The following SETBP1 variants were observed in gnomAD, a reference collection of about 807,000 sequenced individuals.
SETBP1 encodes the protein SET-binding protein.
In SETBP1, 9 loss-of-function variants were observed where a neutral mutation model predicts 101.0. The observed-to-expected ratio is 0.09, with a 90% CI of 0.05 to 0.16. SETBP1 has a LOEUF of 0.16. SETBP1 is among the 10% of genes least tolerant of loss of function. The pLI is 1.00. For missense variants in SETBP1, 1,858 were observed against 2,033.8 expected (o/e 0.91, Z 1.66); for synonymous variants, 818 against 788.5 (o/e 1.04, Z -0.63).
chr18:44,954,082 T>C (rs1269067022), intron 4 of SETBP1, among the ~76,000 whole-genome samples: 2 of 152,148 alleles, frequency 1.3e-5, no homozygotes, highest in Admixed American at 1.3e-4. Context: ...GGGATTTTGC[T>C]CACTAATTTA....
chr18:44,856,678 T>C (rs1001054491), intron 2 of SETBP1, among the ~76,000 whole-genome samples: 1 of 152,228 alleles, frequency 6.6e-6, no homozygotes, highest in African/African-American at 2.4e-5. Context: ...GCAGCCCTAT[T>C]GCAAAACTCT....
intron 2 of SETBP1, among the ~76,000 whole-genome samples, chr18:44,837,905 TCTC>T (rs1306984415): frequency 5.3e-5 from 8 of 152,014 alleles, no homozygotes; most frequent in African/African-American, 1.9e-4. Flanking sequence ...TGCAAACACA[TCTC>T]CTCTAGTCAC....
intron 2 of SETBP1, among the ~76,000 whole-genome samples, chr18:44,824,606 G>A (rs1344187514): frequency 6.6e-6 from 1 of 152,142 alleles, no homozygotes; most frequent in Non-Finnish European, 1.5e-5. Context: ...TGCCAGAGGT[G>A]TGTATCTTTC....
chr18:44,952,028 C>G lies in SETBP1; in HGVS notation c.2688C>G (p.Phe896Leu). 6.2e-7 allele frequency: 1 copy of G among 1,614,112 alleles called. No homozygotes were observed. Among genetic ancestry groups the G allele is most frequent in the Non-Finnish European group, 8.5e-7 (1 of 1,180,004 alleles). ...CCCGAAGGAGGTACTCTTTTGATTTCTGCTCCCTGGACAACCCGGAGGCCA... is the reference window on the plus strand; with the variant it reads ...CCCGAAGGAGGTACTCTTTTGATTTGTGCTCCCTGGACAACCCGGAGGCCA... ...SESRRRYSFD[F>L]CSLDNPEAIP... Residue 896 changes from phenylalanine to leucine, a missense_variant, in exon 4 of 6, where the codon TTC (phenylalanine) becomes TTG (leucine). Around this residue, in one of 12 missense-constraint regions of SETBP1, gnomAD observed 255 missense variants for 300.1 expected, o/e 0.85. Coordinates refer to ENST00000649279, the MANE Select transcript of SETBP1 (RefSeq NM_015559.3).
intron 2 of SETBP1, among the ~76,000 whole-genome samples, chr18:44,811,325 G>A (rs997037397): frequency 3.3e-5 from 5 of 152,304 alleles, no homozygotes; most frequent in East Asian, 1.9e-4. Flanking sequence ...ACATACACAC[G>A]TGCTCACACA....
chr18:45,052,823 C>T (rs1050554088), intron 5 of SETBP1, among the ~76,000 whole-genome samples: 11 of 152,096 alleles, frequency 7.2e-5, no homozygotes, highest in African/African-American at 2.7e-4. Flanking sequence ...TTGAATCCAG[C>T]CCAGAGGTAG....
intron 4 of SETBP1, among the ~76,000 whole-genome samples, chr18:44,968,559 A>G (rs2145181725): frequency 6.6e-6 from 1 of 152,334 alleles, no homozygotes; most frequent in South Asian, 2.1e-4. Flanking sequence ...GCTGCCAGCA[A>G]GAGGAGACCA....
In SETBP1 at chr18:44,952,135, G is replaced by A. The variant is rs1041083542; in HGVS notation, c.2795G>A (p.Ser932Asn). The change falls in exon 4 of 6, where the codon AGC (serine) becomes AAC (asparagine). Residue 932 changes from serine (S) to asparagine (N), a missense_variant. Physicochemically the swap from Ser to Asn is conservative, Grantham distance 46. This residue lies in a region of SETBP1 where 255 missense variants were observed against 300.1 expected (regional missense o/e 0.85). Transcript: ENST00000649279. ...GTGGACAACTTTCTGGCCCACGAAAGCCTCAAGAAGCCAAAGCACAAGAGG... is the reference window on the plus strand; with the variant it reads ...GTGGACAACTTTCTGGCCCACGAAAACCTCAAGAAGCCAAAGCACAAGAGG... The part of the protein sequence containing the change: ...LIVDNFLAHE[S>N]LKKPKHKRKR... The A allele has an allele frequency of 6.2e-7, 1 of 1,614,126 alleles. No homozygotes were observed. The highest frequency in any genetic ancestry group is 1.7e-5 in the Admixed American group (1 of 60,006).
intron 2 of SETBP1, among the ~76,000 whole-genome samples, chr18:44,752,084 C>CAATG (rs1220003419): frequency 6.6e-6 from 1 of 151,898 alleles, no homozygotes; most frequent in East Asian, 1.9e-4. Context: ...TGGAAGAACA[C>CAATG]AATGACGTCT....
At chr18:44,949,203 C>G (rs772919749) in intron 3 of SETBP1, among the ~76,000 whole-genome samples, 1 of 152,204 alleles carries the variant, frequency 6.6e-6, no homozygotes, top group Non-Finnish European at 1.5e-5. Flanking sequence ...TCCGTGCCCT[C>G]GATTGGCCCA....
intron 2 of SETBP1, among the ~76,000 whole-genome samples, chr18:44,751,581 C>T (rs2070380745): frequency 6.6e-6 from 1 of 151,424 alleles, no homozygotes; most frequent in Non-Finnish European, 1.5e-5. Flanking sequence ...CTTTATTTGT[C>T]ATTTTGTTTC....
At chr18:44,958,194 A>G (rs1160160047) in intron 4 of SETBP1, among the ~76,000 whole-genome samples, 2 of 152,250 alleles carry the variant, frequency 1.3e-5, no homozygotes, top group East Asian at 3.8e-4. Flanking sequence ...ACACATGTAC[A>G]GGCAGTAGTT....
At chr18:44,858,841 A>G (rs1363576101) in intron 2 of SETBP1, among the ~76,000 whole-genome samples, 1 of 152,168 alleles carries the variant, frequency 6.6e-6, no homozygotes, top group African/African-American at 2.4e-5. Context: ...ACTTCTCTGT[A>G]TTATTAAAAG....
chr18:44,888,696 A>G (rs1029651928), intron 3 of SETBP1, among the ~76,000 whole-genome samples: 7 of 152,096 alleles, frequency 4.6e-5, no homozygotes, highest in Non-Finnish European at 1.0e-4. Context: ...AGAGATTAAT[A>G]ACATTGATGC....
chr18:44,746,029 T>C (rs981338724), intron 2 of SETBP1, among the ~76,000 whole-genome samples: 3 of 152,112 alleles, frequency 2.0e-5, no homozygotes, highest in African/African-American at 4.8e-5. Flanking sequence ...TGGTCAAATA[T>C]GCAGGGTAGA....
At chr18:44,853,079 T>C (rs2072906002) in intron 2 of SETBP1, among the ~76,000 whole-genome samples, 1 of 152,202 alleles carries the variant, frequency 6.6e-6, no homozygotes, top group Admixed American at 6.5e-5. Context: ...GAAAGAGCAC[T>C]GGGGAATTCC....
chr18:44,728,519 G>A (rs1320088138), intron 2 of SETBP1, among the ~76,000 whole-genome samples: 1 of 152,146 alleles, frequency 6.6e-6, no homozygotes, highest in Non-Finnish European at 1.5e-5. Flanking sequence ...GGATTCTAAG[G>A]TAGTCATTGT....
At chr18:45,012,822 G>A (rs1229906882) in intron 4 of SETBP1, among the ~76,000 whole-genome samples, 1 of 152,144 alleles carries the variant, frequency 6.6e-6, no homozygotes, top group Non-Finnish European at 1.5e-5. Context: ...TGTACACATG[G>A]ACATAGATTG....
chr18:44,952,104 C>T lies in SETBP1; in HGVS notation c.2764C>T (p.Leu922Phe). ...CCGGCATGGCCACCGGCAAAAGCAT[C>T]TCATTGTGGACAACTTTCTGGCCCA... ...KNRHGHRQKH[L>F]IVDNFLAHES... The change falls in exon 4 of 6, where the codon CTC becomes TTC. Residue 922 changes from leucine to phenylalanine, a missense_variant. Leu to Phe is a conservative substitution (Grantham distance 22, BLOSUM62 0). This residue lies in a region of SETBP1 where 255 missense variants were observed against 300.1 expected (regional missense o/e 0.85). Coordinates refer to ENST00000649279, the MANE Select transcript of SETBP1 (RefSeq NM_015559.3). The T allele has an allele frequency of 6.2e-7, 1 of 1,614,150 alleles. No homozygotes were observed. The highest frequency in any genetic ancestry group is 8.5e-7 in the Non-Finnish European group (1 of 1,180,038).
Sources: gnomAD v4.1 joint callset for allele counts (sites outside exome capture counted in the v4.1 genomes callset) on GRCh38, gnomAD v4.1.1 for gene constraint, gnomAD v4.1.1 regional missense constraint, MANE v1.5 for transcripts, NCBI Gene and HGNC (gene_info 2026-07-23, HGNC 2026-07-21) for gene names.